SUCLA2: variants seen among roughly 807,000 people sequenced by gnomAD.
SUCLA2 encodes the protein succinate--CoA ligase [ADP-forming] subunit beta, mitochondrial.
Under a neutral mutation model 54.8 loss-of-function variants are expected in SUCLA2, and 30 were observed. That is an observed-to-expected ratio of 0.55 (90% CI 0.41 to 0.74). SUCLA2 has a LOEUF of 0.74. Among genes scored for constraint, SUCLA2 ranks in the 30% least tolerant of loss-of-function variants. SUCLA2 has a pLI of 0.00. For synonymous variants in SUCLA2, 172 were observed against 188.9 expected, an observed-to-expected ratio of 0.91 and a Z score of 0.74; for missense variants, 476 against 562.9, an observed-to-expected ratio of 0.85 and a Z score of 1.56.
At chr13:47,965,467 A>C (rs1949909462) in intron 6 of SUCLA2, 1 of 391,114 alleles carries the variant, frequency 2.6e-6, no homozygotes, top group East Asian at 3.6e-5. Flanking sequence ...ACTGAAGGGC[A>C]TTCTATGAAA....
intron 4 of SUCLA2, among the ~76,000 whole-genome samples, chr13:47,975,213 T>C (rs942541708): frequency 7.3e-5 from 11 of 150,858 alleles, no homozygotes; most frequent in Non-Finnish European, 1.3e-4. Context: ...CAGGCTGGAG[T>C]GAAATGATGC....
chr13:47,997,094 T>G (rs1950197738), intron 1 of SUCLA2, 71 bp from the exon 2 acceptor site: 23 of 1,506,318 alleles, frequency 1.5e-5, no homozygotes. Flanking sequence ...ACTTGGTTCT[T>G]CATAACTATA....
chr13:47,996,235 A>C (rs560062127), intron 2 of SUCLA2, among the ~76,000 whole-genome samples: 118 of 151,350 alleles, frequency 7.8e-4, no homozygotes, highest in African/African-American at 2.7e-3. Context: ...AGGCAGGAGA[A>C]TCCCTTGAAC....
At chr13:47,980,895 C>G (rs1950056242) in intron 4 of SUCLA2, among the ~76,000 whole-genome samples, 1 of 152,032 alleles carries the variant, frequency 6.6e-6, no homozygotes, top group Non-Finnish European at 1.5e-5. Context: ...TATCCACATG[C>G]AAAAGAATGA....
chr13:48,001,155 A>T lies in SUCLA2; in HGVS notation c.90+25T>A, dbSNP rs756682796. On this transcript the variant is annotated intron_variant, in intron 1 of 10. Transcript: ENST00000646932. ...ACCCTTTCTCCTGCCGACCCTCGAG[A>T]CGACAGCGGACTGGAAGGCATTACC... 37 of 1,596,702 alleles carry T rather than the reference A, an allele frequency of 2.3e-5. No individual in the cohort carries two copies. The East Asian group carries it at 7.9e-4, about 34-fold the overall frequency.
intron 1 of SUCLA2, among the ~76,000 whole-genome samples, chr13:47,998,100 T>C (rs1197578673): frequency 1.3e-5 from 2 of 151,956 alleles, no homozygotes; most frequent in African/African-American, 4.8e-5. Flanking sequence ...CTTGATTTAG[T>C]GTCACTTCAA....
At chr13:47,988,504 A>T in intron 4 of SUCLA2, 37 bp downstream of exon 4, 2 of 1,608,498 alleles carry the variant, frequency 1.2e-6, no homozygotes, top group African/African-American at 2.7e-5. Flanking sequence ...GAATGTCATA[A>T]ATTTATCCCG....
intron 8 of SUCLA2, among the ~76,000 whole-genome samples, chr13:47,950,139 A>G (rs1020614899): frequency 1.3e-5 from 2 of 152,234 alleles, no homozygotes; most frequent in Non-Finnish European, 2.9e-5. Flanking sequence ...GATAACCCTT[A>G]TAAAGAAACA....
In SUCLA2 at chr13:47,988,872, T is replaced by C; in HGVS notation, c.371+10A>G. ...ACAAGGATGATTTTTCCTTAAAAAA[T>C]GTGACTTACGAGAAAACTATCTTCA... On this transcript the variant is annotated intron_variant, in intron 3 of 10. Transcript: ENST00000646932. 1.2e-6 allele frequency: 2 copies of C among 1,611,500 alleles called. No individual in the cohort carries two copies. The highest frequency in any genetic ancestry group is 2.2e-5 in the East Asian group (1 of 44,834).
chr13:47,992,405 AAAAAAT>A, intron 2 of SUCLA2, among the ~76,000 whole-genome samples: 2 of 152,034 alleles, frequency 1.3e-5, no homozygotes, highest in Admixed American at 1.3e-4. Flanking sequence ...AAAAAAAAAA[AAAAAAT>A]TTTTCATGAA....
intron 1 of SUCLA2, among the ~76,000 whole-genome samples, chr13:47,998,258 C>A (rs1950204347): frequency 7.1e-6 from 1 of 140,224 alleles, no homozygotes; most frequent in African/African-American, 2.7e-5. Context: ...GCTTGGTCAA[C>A]AGAGCAAGAC....
At chr13:47,974,285 G>A (rs552849992) in intron 4 of SUCLA2, among the ~76,000 whole-genome samples, 3 of 152,160 alleles carry the variant, frequency 2.0e-5, no homozygotes, top group Non-Finnish European at 2.9e-5. Flanking sequence ...CCTACTGCAA[G>A]ACAATAAAAA....
intron 6 of SUCLA2, among the ~76,000 whole-genome samples, chr13:47,957,586 C>A (rs983477941): frequency 8.5e-5 from 13 of 152,164 alleles, no homozygotes; most frequent in African/African-American, 2.4e-4. Context: ...AGGTAAGTGT[C>A]CCTTATGGGC....
At chr13:47,978,726 C>A (rs911953835) in intron 4 of SUCLA2, among the ~76,000 whole-genome samples, 2 of 152,128 alleles carry the variant, frequency 1.3e-5, no homozygotes, top group Non-Finnish European at 2.9e-5. Context: ...GCAGAGTGAA[C>A]AGGCAACCTA....
At chr13:47,993,771 G>A (rs183091795) in intron 2 of SUCLA2, among the ~76,000 whole-genome samples, 29 of 152,264 alleles carry the variant, frequency 1.9e-4, no homozygotes, top group African/African-American at 6.7e-4. Context: ...GGTGGCTCAC[G>A]CCTATTGTAA....
At chr13:47,984,879 C>T (rs1950088619) in intron 4 of SUCLA2, among the ~76,000 whole-genome samples, 1 of 152,146 alleles carries the variant, frequency 6.6e-6, no homozygotes, top group Non-Finnish European at 1.5e-5. Flanking sequence ...CAGGTAAAGT[C>T]AAAAATTGAC....
chr13:47,966,935 G>A (rs1006328090), intron 6 of SUCLA2, among the ~76,000 whole-genome samples: 8 of 152,002 alleles, frequency 5.3e-5, no homozygotes, highest in African/African-American at 9.7e-5. Context: ...AGGGAGGATC[G>A]CTTGAGCCCA....
intron 10 of SUCLA2, among the ~76,000 whole-genome samples, chr13:47,947,315 TAAAC>T (rs1439457960): frequency 6.8e-6 from 1 of 147,592 alleles, no homozygotes. Flanking sequence ...AAACAAAAAG[TAAAC>T]AAAATACAAA....
intron 5 of SUCLA2, chr13:47,971,816 T>C (rs980039800): frequency 7.5e-6 from 3 of 398,402 alleles, no homozygotes; most frequent in Admixed American, 4.4e-5. Flanking sequence ...ACTTAAACCA[T>C]GGAGATATAA....
Sources: gnomAD v4.1 joint callset for allele counts (sites outside exome capture counted in the v4.1 genomes callset) on GRCh38, gnomAD v4.1.1 for gene constraint, MANE v1.5 for transcripts, NCBI Gene and HGNC (gene_info 2026-07-23, HGNC 2026-07-21) for gene names.